Variants in TRIM66 observed in about 807,000 individuals in gnomAD.
TRIM66 encodes tripartite motif-containing protein 66.
A neutral mutation model predicts 148.2 loss-of-function variants in TRIM66; 99 were observed. The ratio of observed to expected loss-of-function variants is 0.67; its 90% CI spans 0.57 to 0.79. The LOEUF is 0.79. TRIM66 is among the 30% of genes least tolerant of loss of function. The pLI is 0.00. For synonymous variants in TRIM66, 616 were observed against 635.9 expected, an observed-to-expected ratio of 0.97 and a Z score of 0.47; for missense variants, 1,666 against 1,697.9, an observed-to-expected ratio of 0.98 and a Z score of 0.33.
At chr11:8,667,632 C>G (rs2038682619) in intron 6 of TRIM66, among the ~76,000 whole-genome samples, 2 of 152,328 alleles carry the variant, frequency 1.3e-5, no homozygotes, top group Non-Finnish European at 2.9e-5. Flanking sequence ...GCTGACTACT[C>G]TGAACATCTC....
chr11:8,630,827 C>G (rs2035323382), intron 15 of TRIM66, among the ~76,000 whole-genome samples: 1 of 152,142 alleles, frequency 6.6e-6, no homozygotes, highest in Non-Finnish European at 1.5e-5. Context: ...CCTGTCTTTA[C>G]CATCTAACTT....
rs1047839024 is a variant in TRIM66 at position 8,648,426 on chromosome 11, T to G, written c.715A>C (p.Lys239Gln). The change falls in exon 9 of 25, where the codon AAA (lysine) becomes CAA (glutamine). Residue 239 changes from lysine to glutamine, a missense_variant. Transcript: ENST00000646038. ...TCHSCLVVEH[K>Q]EHRCRHVEEV... ...GTCTGTCAGCCCCACCTGTGTTCTT[T>G]GTGTTCCACCACTAGGCAGCTATGG... The G allele has an allele frequency of 5.1e-5, 79 of 1,551,478 alleles. No individual in the cohort carries two copies. The highest frequency in any genetic ancestry group is 6.6e-5 in the Non-Finnish European group (76 of 1,147,008).
In TRIM66 at chr11:8,619,605, G is replaced by A; in HGVS notation, c.3748-70C>T. The A allele has an allele frequency of 2.9e-6, 4 of 1,369,474 alleles. No homozygotes were observed. In the South Asian group the frequency reaches 5.0e-5, roughly 17 times the overall value. The allele number at this position is 1,369,474 out of a possible 1,614,324, so 84.8% of individuals were successfully genotyped here. ...GAAGAAATGGAGGTGTGGATAAGAA[G>A]GAAGAAGAAATGGAAAATGAGGTGA... On this transcript the variant is annotated intron_variant, in intron 22 of 24. Coordinates refer to ENST00000646038, the MANE Select transcript of TRIM66 (RefSeq NM_001388022.1).
intron 15 of TRIM66, among the ~76,000 whole-genome samples, chr11:8,634,379 G>A (rs1017771122): frequency 6.6e-6 from 1 of 152,168 alleles, no homozygotes; most frequent in African/African-American, 2.4e-5. Flanking sequence ...ATGTTGCCCA[G>A]GCTGGTCTCG....
intron 6 of TRIM66, among the ~76,000 whole-genome samples, chr11:8,671,479 A>G (rs1318781711): frequency 6.6e-6 from 1 of 152,210 alleles, no homozygotes; most frequent in Non-Finnish European, 1.5e-5. Context: ...AGATTTAGTG[A>G]GTCAGAACAC....
At chr11:8,628,144 C>G (rs11042017) in intron 15 of TRIM66, among the ~76,000 whole-genome samples, 89,304 of 151,702 alleles carry the variant, frequency 0.59, 26,710 homozygotes, top group Non-Finnish European at 0.65. Context: ...AATGGTAAAT[C>G]TATTTTTTTT....
At chr11:8,682,921 G>A (rs2039513037), upstream of TRIM66, 3 of 1,412,836 alleles carry the variant, frequency 2.1e-6, no homozygotes, top group South Asian at 1.4e-5. Flanking sequence ...GGGGCTTCCA[G>A]GCTGCGCATG....
chr11:8,625,091 TG>T lies in TRIM66; in HGVS notation c.2447del (p.Pro816GlnfsTer4), dbSNP rs771365111. 6.4e-7 allele frequency: 1 copy of T among 1,551,720 alleles called. No individual in the cohort carries two copies. On this transcript the variant is annotated frameshift_variant, in exon 16 of 25. Coordinates refer to ENST00000646038, the MANE Select transcript of TRIM66 (RefSeq NM_001388022.1). LOFTEE classifies it high-confidence loss of function. ...TTTTGGGGGGAGCACTCAGCAGGCT[TG>T]GTACTGCCTGGGGGGCACCAGCTGT... ...NLTAGAPQAVPSLLSAPPKMV... is the reference protein window; with the variant it reads ...NLTAGAPQAVXSLLSAPPKMV...
intron 6 of TRIM66, chr11:8,654,591 A>C (rs764864559): frequency 3.3e-5 from 5 of 152,250 alleles, no homozygotes; most frequent in Non-Finnish European, 4.4e-5. Flanking sequence ...GCACACAAAA[A>C]TAAACCACAG....
chr11:8,647,899 C>A, intron 10 of TRIM66, 71 bp downstream of exon 10: 2 of 1,198,196 alleles, frequency 1.7e-6, no homozygotes, highest in Non-Finnish European at 2.4e-6. Flanking sequence ...CATCTGACGG[C>A]CTGGTGTTGG....
intron 22 of TRIM66, 58 bp from the exon 23 acceptor site, chr11:8,619,593 T>C (rs2034004318): frequency 1.4e-6 from 2 of 1,412,908 alleles, no homozygotes; most frequent in Non-Finnish European, 1.9e-6. Context: ...GAAATGGAGG[T>C]GTGGATAAGA....
At chr11:8,677,572 A>G (rs529136143) in intron 3 of TRIM66, among the ~76,000 whole-genome samples, 1 of 152,266 alleles carries the variant, frequency 6.6e-6, no homozygotes, top group South Asian at 2.1e-4. Flanking sequence ...TGAGGCTAGC[A>G]GTTTGAGACC....
chr11:8,620,239 T>C lies in TRIM66; in HGVS notation c.3673-115A>G, dbSNP rs1389114245. On this transcript the variant is annotated intron_variant, in intron 21 of 24. Transcript: ENST00000646038. ...CTGTCCCACAGGATGCCAGCTGCCATACTAAGGCACAATTCAGGTTCCCAA... is the reference window on the plus strand; with the variant it reads ...CTGTCCCACAGGATGCCAGCTGCCACACTAAGGCACAATTCAGGTTCCCAA... 6 of 1,307,272 alleles carry C rather than the reference T, an allele frequency of 4.6e-6. No homozygotes were observed. In the East Asian group the frequency reaches 1.5e-4, roughly 33 times the overall value. 81.0% of individuals were successfully genotyped at this position (1,307,272 alleles called of 1,614,324 possible). A position where few individuals can be genotyped will look rare whatever the true frequency, so the allele number is the denominator to read the frequency against.
At chr11:8,666,109 G>C (rs1056094826) in intron 6 of TRIM66, among the ~76,000 whole-genome samples, 1 of 151,926 alleles carries the variant, frequency 6.6e-6, no homozygotes, top group East Asian at 1.9e-4. Flanking sequence ...GGCCGAGGTG[G>C]GCAGATCACC....
chr11:8,622,250 G>C (rs1260676328), intron 18 of TRIM66, among the ~76,000 whole-genome samples: 2 of 148,794 alleles, frequency 1.3e-5, no homozygotes, highest in African/African-American at 5.0e-5. Context: ...GGGACCCTGT[G>C]ATCACGTAAA....
chr11:8,619,633 T>G, intron 22 of TRIM66, 98 bp from the exon 23 acceptor site: 1 of 1,158,326 alleles, frequency 8.6e-7, no homozygotes, highest in Non-Finnish European at 1.2e-6. Flanking sequence ...TGAGGTGAAA[T>G]ATAAGTGAAA....
intron 15 of TRIM66, among the ~76,000 whole-genome samples, chr11:8,636,354 A>G (rs2035878509): frequency 6.6e-6 from 1 of 152,108 alleles, no homozygotes; most frequent in South Asian, 2.1e-4. Context: ...CTTGTGCAGC[A>G]GGCAAGAAGA....
chr11:8,664,229 T>C (rs1429250652), intron 6 of TRIM66, among the ~76,000 whole-genome samples: 2 of 152,236 alleles, frequency 1.3e-5, no homozygotes, highest in African/African-American at 4.8e-5. Context: ...AAACATCATG[T>C]TGTACACTGT....
Position 8,646,529 on chromosome 11 carries a change from A to G in TRIM66, c.875T>C (p.Val292Ala), listed in dbSNP as rs535661290. The G allele has an allele frequency of 1.0e-5, 16 of 1,551,830 alleles. No homozygotes were observed. The highest frequency in any genetic ancestry group is 1.4e-5 in the African/African-American group (1 of 73,020). ...IFEVKHQHRK[V>A]ENQIKMAKMV... Reference sequence around the variant, plus strand: ...CTTGGCCATTTTGATCTGGTTTTCCACCTTCCTATGCTGATGCTTCACTTC... The same window carrying G: ...CTTGGCCATTTTGATCTGGTTTTCCGCCTTCCTATGCTGATGCTTCACTTC... The change falls in exon 11 of 25, where the codon GTG becomes GCG. Residue 292 changes from valine to alanine, a missense_variant. Transcript: ENST00000646038.
Sources: allele counts gnomAD v4.1 joint callset (sites outside exome capture counted in the v4.1 genomes callset), GRCh38; gene constraint gnomAD v4.1.1; transcripts MANE v1.5; gene names NCBI Gene and HGNC (gene_info 2026-07-23, HGNC 2026-07-21).